RSRC1: variants seen among roughly 807,000 people sequenced by gnomAD.
The protein encoded by RSRC1 is arginine and serine rich coiled-coil 1.
In RSRC1, 39 loss-of-function variants were observed where a neutral mutation model predicts 49.1. The ratio of observed to expected loss-of-function variants is 0.79; its 90% CI spans 0.61 to 1.04. RSRC1 has a LOEUF of 1.04. Among genes scored for constraint, RSRC1 ranks in the 50% least tolerant of loss-of-function variants. The pLI, the probability that RSRC1 is intolerant of heterozygous loss-of-function variation, is 0.00. For synonymous variants in RSRC1, 143 were observed against 130.8 expected (o/e 1.09, Z -0.63); for missense variants, 388 against 402.4 (o/e 0.96, Z 0.31).
chr3:158,535,666 G>A (rs530199361), intron 7 of RSRC1, among the ~76,000 whole-genome samples: 26 of 151,370 alleles, frequency 1.7e-4, no homozygotes, highest in Admixed American at 2.6e-4. Flanking sequence ...CATAACTACT[G>A]GGGATTATAT....
At chr3:158,309,617 A>C (rs1434453281) in intron 5 of RSRC1, among the ~76,000 whole-genome samples, 1 of 151,794 alleles carries the variant, frequency 6.6e-6, no homozygotes, top group Non-Finnish European at 1.5e-5. Context: ...GCTAGATCTT[A>C]TACTGGTACA....
At chr3:158,384,928 C>T (rs1011708639) in intron 6 of RSRC1, among the ~76,000 whole-genome samples, 6 of 152,048 alleles carry the variant, frequency 3.9e-5, no homozygotes, top group African/African-American at 1.4e-4. Flanking sequence ...TTATTCTAAG[C>T]ATAGAACCTG....
chr3:158,524,978 G>C (rs916757925), intron 7 of RSRC1, among the ~76,000 whole-genome samples: 1 of 152,048 alleles, frequency 6.6e-6, no homozygotes, highest in East Asian at 1.9e-4. Context: ...TAAAACTATA[G>C]AACTTCTAGA....
At chr3:158,146,310 T>C (rs1034576117) in intron 3 of RSRC1, among the ~76,000 whole-genome samples, 1 of 152,138 alleles carries the variant, frequency 6.6e-6, no homozygotes, top group African/African-American at 2.4e-5. Context: ...CCCATCAATA[T>C]CTAATTTATT....
chr3:158,373,852 C>G (rs1238900099), intron 6 of RSRC1, among the ~76,000 whole-genome samples: 3 of 151,958 alleles, frequency 2.0e-5, no homozygotes, highest in Non-Finnish European at 4.4e-5. Context: ...TGTATTTAAA[C>G]ACCACTGGAG....
intron 3 of RSRC1, among the ~76,000 whole-genome samples, chr3:158,155,855 A>G (rs998911062): frequency 3.3e-5 from 5 of 152,160 alleles, no homozygotes; most frequent in African/African-American, 1.2e-4. Context: ...TTGTTGTTTT[A>G]TTTATAGAGC....
intron 6 of RSRC1, among the ~76,000 whole-genome samples, chr3:158,368,502 G>T (rs566770708): frequency 2.0e-5 from 3 of 152,324 alleles, no homozygotes; most frequent in Admixed American, 1.3e-4. Context: ...CAGGGAGCAG[G>T]TTCCCTTGAC....
chr3:158,302,022 G>A (rs1466280154), intron 5 of RSRC1, among the ~76,000 whole-genome samples: 2 of 146,156 alleles, frequency 1.4e-5, no homozygotes, highest in Non-Finnish European at 3.0e-5. Flanking sequence ...TAAACTGTGT[G>A]TGTGTATGTG....
intron 6 of RSRC1, among the ~76,000 whole-genome samples, chr3:158,370,232 A>G (rs1241745878): frequency 6.6e-6 from 1 of 151,978 alleles, no homozygotes; most frequent in Non-Finnish European, 1.5e-5. Context: ...TTCTGTGGTT[A>G]TGAAGAGAAA....
intron 4 of RSRC1, chr3:158,275,969 G>A: frequency 5.3e-6 from 4 of 759,592 alleles, no homozygotes; most frequent in Non-Finnish European, 9.3e-6. Context: ...GACTGGTTCG[G>A]TGATCCATGG....
At chr3:158,388,628 T>TTTTTTG (rs1162371742) in intron 6 of RSRC1, among the ~76,000 whole-genome samples, 10 of 145,230 alleles carry the variant, frequency 6.9e-5, no homozygotes, top group African/African-American at 2.6e-4. Context: ...TTTTTTTTTT[T>TTTTTTG]GAGACTGAGT....
chr3:158,446,982 T>G (rs1342313819), intron 6 of RSRC1, among the ~76,000 whole-genome samples: 1 of 152,120 alleles, frequency 6.6e-6, no homozygotes, highest in Non-Finnish European at 1.5e-5. Context: ...ACTTGCATTA[T>G]TAATTTTGAA....
At chr3:158,365,291 C>A (rs565544302) in intron 6 of RSRC1, among the ~76,000 whole-genome samples, 9 of 152,114 alleles carry the variant, frequency 5.9e-5, no homozygotes, top group African/African-American at 2.2e-4. Context: ...TAATGCTATC[C>A]CTCCCCTAGT....
intron 5 of RSRC1, among the ~76,000 whole-genome samples, chr3:158,330,151 TA>T (rs752004432): frequency 3.9e-5 from 6 of 152,150 alleles, no homozygotes; most frequent in Non-Finnish European, 5.9e-5. Context: ...CCTTGGCTAG[TA>T]AAGGGAATTC....
rs183866640 is a variant in RSRC1, at chr3:158,431,303, C to T, written c.584-29632C>T. 9.2e-5 allele frequency among the ~76,000 whole-genome samples: 14 copies of T among 151,868 alleles called. No individual in the cohort carries two copies. In the East Asian group the frequency reaches 2.3e-3, roughly 25 times the overall value. Reference sequence around the variant, plus strand: ...AGATCTAACAAGGAACCTCTGTAATCTCCATCTTAACAGCTAACATAAATT... The same window carrying T: ...AGATCTAACAAGGAACCTCTGTAATTTCCATCTTAACAGCTAACATAAATT... On this transcript the variant is annotated intron_variant, in intron 6 of 9. Transcript: ENST00000611884.
intron 4 of RSRC1, among the ~76,000 whole-genome samples, chr3:158,236,351 A>G (rs1163918589): frequency 6.6e-6 from 1 of 152,082 alleles, no homozygotes; most frequent in East Asian, 1.9e-4. Flanking sequence ...TTGAGGTGTA[A>G]TTTACTTGTG....
intron 4 of RSRC1, among the ~76,000 whole-genome samples, chr3:158,256,901 G>A (rs1724594241): frequency 6.6e-6 from 1 of 152,070 alleles, no homozygotes; most frequent in Admixed American, 6.5e-5. Flanking sequence ...GTACTTCTGT[G>A]GGATCCATGG....
chr3:158,120,550 T>G (rs1156457068), intron 1 of RSRC1, among the ~76,000 whole-genome samples: 1 of 147,222 alleles, frequency 6.8e-6, no homozygotes, highest in Non-Finnish European at 1.5e-5. Flanking sequence ...AATATAGAAT[T>G]AATATATTAA....
At chr3:158,384,239 G>A (rs1274567205) in intron 6 of RSRC1, among the ~76,000 whole-genome samples, 2 of 152,064 alleles carry the variant, frequency 1.3e-5, no homozygotes, top group African/African-American at 4.8e-5. Flanking sequence ...AGTAGGGTAC[G>A]ATCTAAGATT....
Sources: allele counts gnomAD v4.1 joint callset (sites outside exome capture counted in the v4.1 genomes callset), GRCh38; gene constraint gnomAD v4.1.1; transcripts MANE v1.5; gene names NCBI Gene and HGNC (gene_info 2026-07-23, HGNC 2026-07-21).